The following HOMER1 variants were observed in gnomAD, a reference collection of about 807,000 sequenced individuals.
HOMER1 encodes homer scaffold protein 1, also known as homer protein homolog 1.
HOMER1 carries 3 observed loss-of-function variants against 48.9 expected under a neutral mutation model. The observed-to-expected ratio is 0.06, with a 90% CI of 0.03 to 0.16. HOMER1 has a LOEUF of 0.16. Among genes scored for constraint, HOMER1 ranks in the 10% least tolerant of loss-of-function variants. HOMER1 has a pLI of 1.00. For synonymous variants in HOMER1, 134 were observed against 146.4 expected, an observed-to-expected ratio of 0.92 and a Z score of 0.61; for missense variants, 247 against 411.4, an observed-to-expected ratio of 0.60 and a Z score of 3.46.
intron 1 of HOMER1, among the ~76,000 whole-genome samples, chr5:79,503,372 A>T (rs1752658465): frequency 6.6e-6 from 1 of 151,614 alleles, no homozygotes; most frequent in African/African-American, 2.4e-5. Context: ...TCTACTAAAA[A>T]TACAAAAATT....
intron 2 of HOMER1, among the ~76,000 whole-genome samples, chr5:79,455,363 T>C (rs369287685): frequency 6.4e-4 from 92 of 144,746 alleles, no homozygotes; most frequent in African/African-American, 2.0e-3. Flanking sequence ...GTGGAGGTAA[T>C]TGAATCATGG....
At chr5:79,442,266 A>G (rs1048163123) in intron 4 of HOMER1, among the ~76,000 whole-genome samples, 1 of 152,228 alleles carries the variant, frequency 6.6e-6, no homozygotes, top group Non-Finnish European at 1.5e-5. Context: ...GCAACCTATT[A>G]TAAAAAAGGC....
chr5:79,443,355 C>T (rs1750790866), intron 4 of HOMER1, among the ~76,000 whole-genome samples: 1 of 152,156 alleles, frequency 6.6e-6, no homozygotes, highest in African/African-American at 2.4e-5. Flanking sequence ...TTCAGCATCT[C>T]CTAGAAAACT....
chr5:79,452,246 C>A (rs1437340568), intron 2 of HOMER1, among the ~76,000 whole-genome samples: 1 of 152,166 alleles, frequency 6.6e-6, no homozygotes. Flanking sequence ...GGTATAGATT[C>A]ATGATATTGA....
At chr5:79,497,271 T>C (rs1049242508) in intron 1 of HOMER1, among the ~76,000 whole-genome samples, 1 of 151,986 alleles carries the variant, frequency 6.6e-6, no homozygotes, top group Admixed American at 6.6e-5. Flanking sequence ...GACCAAGAAA[T>C]GGGCATAACT....
Position 79,450,978 on chromosome 5 carries a change from G to C in HOMER1, c.294+12C>G, listed in dbSNP as rs781275819. The stretch of plus-strand genomic sequence containing the variant: ...ATGAAGATTTTCATTCAAATTTTAT[G>C]ATTTAACTCACTTTCGAAAGATGAT... On this transcript the variant is annotated intron_variant, in intron 3 of 8. Transcript: ENST00000334082. 6 of 1,610,066 alleles carry C rather than the reference G, an allele frequency of 3.7e-6. No individual in the cohort carries two copies. The highest frequency in any genetic ancestry group is 1.1e-5 in the South Asian group (1 of 90,740).
chr5:79,420,073 C>A (rs1040893962), intron 5 of HOMER1, among the ~76,000 whole-genome samples: 1 of 152,122 alleles, frequency 6.6e-6, no homozygotes, highest in Non-Finnish European at 1.5e-5. Flanking sequence ...TCATGTACAA[C>A]TAAATAGGCT....
At chr5:79,482,965 T>G (rs1751987948) in intron 1 of HOMER1, among the ~76,000 whole-genome samples, 3 of 152,166 alleles carry the variant, frequency 2.0e-5, no homozygotes, top group Non-Finnish European at 4.4e-5. Flanking sequence ...ATCATGCCAC[T>G]GCACTCCAGC....
chr5:79,444,010 C>T (rs1476330537), intron 4 of HOMER1, among the ~76,000 whole-genome samples: 8 of 152,158 alleles, frequency 5.3e-5, no homozygotes. Context: ...TTACACCTCC[C>T]TCAAATAAAA....
chr5:79,400,115 T>G (rs1235136442), intron 6 of HOMER1, among the ~76,000 whole-genome samples: 1 of 152,064 alleles, frequency 6.6e-6, no homozygotes, highest in Admixed American at 6.6e-5. Context: ...ACATATATCA[T>G]AAAATTTATC....
chr5:79,395,170 G>A (rs1749348954), intron 8 of HOMER1, among the ~76,000 whole-genome samples: 1 of 152,176 alleles, frequency 6.6e-6, no homozygotes, highest in Non-Finnish European at 1.5e-5. Flanking sequence ...CTGCTACTGT[G>A]AGAATTAGAG....
rs1390007696 is a variant in HOMER1 at position 79,373,515 on chromosome 5, T to C, written c.*2494A>G. 1 of 151,904 alleles carries C rather than the reference T, an allele frequency of 6.6e-6. No homozygotes were observed. Among genetic ancestry groups the C allele is most frequent in the Admixed American group, 6.6e-5 (1 of 15,240 alleles). 9.4% of individuals were successfully genotyped at this position (151,904 alleles called of 1,614,324 possible). On this transcript the variant is annotated 3_prime_UTR_variant, in exon 9 of 9. Coordinates refer to ENST00000334082, the MANE Select transcript of HOMER1 (RefSeq NM_004272.5). ...CTTGTCTCTGGGAAAAATCAAATTTTAATATGCAAATGTTTATATAATACA... is the reference window on the plus strand; with the variant it reads ...CTTGTCTCTGGGAAAAATCAAATTTCAATATGCAAATGTTTATATAATACA...
At chr5:79,484,704 A>T (rs1752047382) in intron 1 of HOMER1, among the ~76,000 whole-genome samples, 1 of 152,230 alleles carries the variant, frequency 6.6e-6, no homozygotes, top group South Asian at 2.1e-4. Context: ...AAGAGGATGA[A>T]AAAAGATATA....
intron 1 of HOMER1, among the ~76,000 whole-genome samples, chr5:79,471,823 C>G (rs1443009421): frequency 1.3e-5 from 2 of 152,194 alleles, no homozygotes; most frequent in Non-Finnish European, 2.9e-5. Context: ...GTTTCTCAAA[C>G]ATGCCAGGCA....
At chr5:79,504,153 AT>A (rs985244755) in intron 1 of HOMER1, among the ~76,000 whole-genome samples, 11 of 149,628 alleles carry the variant, frequency 7.4e-5, no homozygotes, top group Admixed American at 1.3e-4. Flanking sequence ...GAGATCTAGA[AT>A]TTTTTTTTTT....
chr5:79,512,997 A>C lies in HOMER1; in HGVS notation c.-223T>G, dbSNP rs1752983423. The C allele has an allele frequency of 3.4e-6, 2 of 584,464 alleles. No individual in the cohort carries two copies. The highest frequency in any genetic ancestry group is 6.1e-6 in the Non-Finnish European group (2 of 328,310). The allele number at this position is 584,464 out of a possible 1,614,324, so 36.2% of individuals were successfully genotyped here. A position where few individuals can be genotyped will look rare whatever the true frequency, so the allele number is the denominator to read the frequency against. On this transcript the variant is annotated 5_prime_UTR_variant, in exon 1 of 9. Transcript: ENST00000334082. ...GTTCAAACAGAGGCGGCATTTGCTT[A>C]TTCGAGTTAAAATGCTTTGCGGAGG...
intron 1 of HOMER1, among the ~76,000 whole-genome samples, chr5:79,492,531 T>C (rs753193092): frequency 1.1e-4 from 17 of 152,016 alleles, no homozygotes; most frequent in Non-Finnish European, 2.5e-4. Context: ...AAAGAATCCC[T>C]ATACACTTTG....
In HOMER1 at chr5:79,373,635, T is replaced by A. The variant is rs1748688404; in HGVS notation, c.*2374A>T. The A allele has an allele frequency of 6.6e-6, 1 of 151,898 alleles. No homozygotes were observed. The highest frequency in any genetic ancestry group is 1.5e-5 in the Non-Finnish European group (1 of 67,878). 9.4% of individuals were successfully genotyped at this position (151,898 alleles called of 1,614,324 possible). On this transcript the variant is annotated 3_prime_UTR_variant, in exon 9 of 9. Transcript: ENST00000334082. ...CCTACTGTAAATGAATAGTTAAAAG[T>A]CTTAAGAAGATTTTATTTATATGTG...
intron 5 of HOMER1, among the ~76,000 whole-genome samples, chr5:79,418,571 C>A (rs1012986670): frequency 6.6e-6 from 1 of 152,196 alleles, no homozygotes; most frequent in East Asian, 1.9e-4. Context: ...TAATCTAACA[C>A]CCTCTTTTGT....
Sources: gnomAD v4.1 joint callset for allele counts (sites outside exome capture counted in the v4.1 genomes callset) on GRCh38, gnomAD v4.1.1 for gene constraint, MANE v1.5 for transcripts, NCBI Gene and HGNC (gene_info 2026-07-23, HGNC 2026-07-21) for gene names.